Variants in TRAF3 observed in about 807,000 individuals in gnomAD.
TRAF3 encodes TNF receptor-associated factor 3.
A neutral mutation model predicts 62.3 loss-of-function variants in TRAF3; 13 were observed. The observed-to-expected ratio is 0.21, with a 90% CI of 0.14 to 0.33. TRAF3 has a LOEUF of 0.33. Ranked by LOEUF, TRAF3 falls within the 10% of genes least tolerant of loss-of-function variation. TRAF3 has a pLI of 1.00. For missense variants in TRAF3, 440 were observed against 741.8 expected (o/e 0.59, Z 4.73); for synonymous variants, 269 against 283.4 (o/e 0.95, Z 0.51).
intron 10 of TRAF3, among the ~76,000 whole-genome samples, chr14:102,900,006 C>G (rs570603490): frequency 2.0e-5 from 3 of 150,794 alleles, no homozygotes; most frequent in Non-Finnish European, 4.4e-5. Context: ...GGTGAAACCC[C>G]GTCTCTACTA....
At position 102,908,659 on chromosome 14, in the gene TRAF3, T is replaced by A. The variant is rs1377977585; in HGVS notation, c.*2875T>A. ...CACACTGTGTGCTTGGGGGTGCTGC[T>A]TGTTTACCACACATGACCAGACTCC... On this transcript the variant is annotated 3_prime_UTR_variant, in exon 12 of 12. Coordinates refer to ENST00000392745, the MANE Select transcript of TRAF3 (RefSeq NM_145725.3). 6.6e-6 allele frequency: 1 copy of A among 152,570 alleles called. No homozygotes were observed. Among genetic ancestry groups the A allele is most frequent in the Non-Finnish European group, 1.5e-5 (1 of 68,342 alleles). The allele number at this position is 152,570 out of a possible 1,614,324, so 9.5% of individuals were successfully genotyped here. A position where few individuals can be genotyped will look rare whatever the true frequency, so the allele number is the denominator to read the frequency against.
Position 102,907,267 on chromosome 14 carries a change from C to G in TRAF3, c.*1483C>G, listed in dbSNP as rs1464498049. The G allele has an allele frequency of 6.6e-6, 1 of 152,286 alleles. No homozygotes were observed. Among genetic ancestry groups the G allele is most frequent in the African/African-American group, 2.4e-5 (1 of 41,468 alleles). 9.4% of individuals were successfully genotyped at this position (152,286 alleles called of 1,614,324 possible). A position where few individuals can be genotyped will look rare whatever the true frequency, so the allele number is the denominator to read the frequency against. On this transcript the variant is annotated 3_prime_UTR_variant, in exon 12 of 12. Transcript: ENST00000392745. The stretch of plus-strand genomic sequence containing the variant: ...AACCCTCTGAGCATTCCAGAGACCG[C>G]TGCTCGGGGGCCTGCCCAGGCTGAC...
intron 1 of TRAF3, among the ~76,000 whole-genome samples, chr14:102,792,876 T>G (rs113630504): frequency 6.6e-6 from 1 of 152,136 alleles, no homozygotes; most frequent in African/African-American, 2.4e-5. Context: ...AAGTCTTCCT[T>G]TGTCACCCAG....
At chr14:102,876,632 A>T in intron 6 of TRAF3, 107 bp downstream of exon 6, 2 of 1,430,408 alleles carry the variant, frequency 1.4e-6, no homozygotes, top group Admixed American at 3.9e-5. Flanking sequence ...CCTTCCCTCA[A>T]CTCATAGATA....
At chr14:102,872,212 C>G (rs550123556) in intron 4 of TRAF3, among the ~76,000 whole-genome samples, 1 of 152,180 alleles carries the variant, frequency 6.6e-6, no homozygotes, top group African/African-American at 2.4e-5. Flanking sequence ...CTGTAATAAT[C>G]ATATCACCTG....
At chr14:102,893,870 T>G (rs1200245205) in intron 9 of TRAF3, among the ~76,000 whole-genome samples, 1 of 152,216 alleles carries the variant, frequency 6.6e-6, no homozygotes, top group Non-Finnish European at 1.5e-5. Context: ...AGGTGTATGG[T>G]GCCCTTTGCT....
intron 1 of TRAF3, among the ~76,000 whole-genome samples, chr14:102,819,618 C>T (rs1052180220): frequency 1.3e-5 from 2 of 152,230 alleles, no homozygotes; most frequent in African/African-American, 2.4e-5. Flanking sequence ...CTGGCCAGTG[C>T]CTGCCCTGTT....
intron 4 of TRAF3, among the ~76,000 whole-genome samples, chr14:102,872,992 A>G (rs1888431116): frequency 6.6e-6 from 1 of 152,154 alleles, no homozygotes; most frequent in South Asian, 2.1e-4. Flanking sequence ...GCACCCAGCA[A>G]TTCATTCTTA....
At chr14:102,809,787 C>T (rs1899014106) in intron 1 of TRAF3, among the ~76,000 whole-genome samples, 1 of 151,900 alleles carries the variant, frequency 6.6e-6, no homozygotes, top group African/African-American at 2.4e-5. Flanking sequence ...GCCTCGGCCT[C>T]CTAAAGTGCT....
At chr14:102,880,488 G>A (rs1443673180) in intron 6 of TRAF3, among the ~76,000 whole-genome samples, 6 of 152,226 alleles carry the variant, frequency 3.9e-5, no homozygotes, top group Non-Finnish European at 4.4e-5. Context: ...AGAGAAAAAG[G>A]AATGCTTTTA....
At chr14:102,874,962 T>C (rs1302158120) in intron 4 of TRAF3, among the ~76,000 whole-genome samples, 1 of 152,220 alleles carries the variant, frequency 6.6e-6, no homozygotes, top group Non-Finnish European at 1.5e-5. Flanking sequence ...CAGCCTCGTT[T>C]TCATTTTCAA....
intron 2 of TRAF3, among the ~76,000 whole-genome samples, chr14:102,845,294 C>T (rs1180243563): frequency 6.6e-6 from 1 of 151,038 alleles, no homozygotes; most frequent in Non-Finnish European, 1.5e-5. Context: ...GCTCTGCCTC[C>T]CGGGTTCAAG....
chr14:102,838,136 G>A (rs768808528), intron 2 of TRAF3, among the ~76,000 whole-genome samples: 2 of 152,196 alleles, frequency 1.3e-5, no homozygotes, highest in Non-Finnish European at 2.9e-5. Context: ...CTGAATCTTC[G>A]TACTCTAGTT....
intron 2 of TRAF3, among the ~76,000 whole-genome samples, chr14:102,846,856 C>T (rs1886756404): frequency 6.6e-6 from 1 of 152,072 alleles, no homozygotes; most frequent in African/African-American, 2.4e-5. Context: ...CTAGTACTTA[C>T]TTACGTATGT....
intron 1 of TRAF3, among the ~76,000 whole-genome samples, chr14:102,812,802 C>T (rs1250971369): frequency 1.3e-5 from 2 of 150,068 alleles, no homozygotes; most frequent in African/African-American, 2.5e-5. Context: ...GCCTGTAATC[C>T]CAGCTACTCA....
At chr14:102,780,842 C>T (rs971453992) in intron 1 of TRAF3, among the ~76,000 whole-genome samples, 3 of 152,098 alleles carry the variant, frequency 2.0e-5, no homozygotes, top group Non-Finnish European at 4.4e-5. Context: ...CATCTTGGCC[C>T]CTGTGCACAG....
intron 2 of TRAF3, among the ~76,000 whole-genome samples, chr14:102,855,774 C>G (rs1566777636): frequency 6.9e-6 from 1 of 145,942 alleles, no homozygotes. Context: ...CCAGCTTGGG[C>G]TACAGAATGA....
chr14:102,872,583 C>A (rs572713263), intron 4 of TRAF3, among the ~76,000 whole-genome samples: 2 of 152,336 alleles, frequency 1.3e-5, no homozygotes, highest in East Asian at 3.8e-4. Context: ...CTCCTGGGGC[C>A]TGGTCCTTCT....
intron 2 of TRAF3, among the ~76,000 whole-genome samples, chr14:102,837,722 A>G (rs755684082): frequency 2.1e-4 from 32 of 152,196 alleles, no homozygotes; most frequent in Non-Finnish European, 3.5e-4. Context: ...ATTTTGAGAT[A>G]TGTATTTTGC....
Sources: gnomAD v4.1 joint callset for allele counts (sites outside exome capture counted in the v4.1 genomes callset) on GRCh38, gnomAD v4.1.1 for gene constraint, MANE v1.5 for transcripts, NCBI Gene and HGNC (gene_info 2026-07-23, HGNC 2026-07-21) for gene names.